The following CWF19L1 variants were observed in gnomAD, a reference collection of about 807,000 sequenced individuals.
CWF19L1 encodes the protein CWF19 like cell cycle control factor 1.
In CWF19L1, 60 loss-of-function variants were observed where a neutral mutation model predicts 69.7. The observed-to-expected ratio is 0.86, with a 90% CI of 0.70 to 1.07. CWF19L1 has a LOEUF of 1.07. Ranked by LOEUF, CWF19L1 falls within the 50% of genes least tolerant of loss-of-function variation. CWF19L1 has a pLI of 0.00. For synonymous variants in CWF19L1, 209 were observed against 222.2 expected, an observed-to-expected ratio of 0.94 and a Z score of 0.53; for missense variants, 591 against 638.9, an observed-to-expected ratio of 0.92 and a Z score of 0.81.
intron 4 of CWF19L1, among the ~76,000 whole-genome samples, chr10:100,257,287 C>CTTTTTTTT (rs55939570): frequency 1.8e-4 from 19 of 105,844 alleles, no homozygotes; most frequent in Non-Finnish European, 2.8e-4. Flanking sequence ...AGTGCTTTAC[C>CTTTTTTTT]TTTTTTTTTT....
In CWF19L1 at chr10:100,260,329, G is replaced by A; in HGVS notation, c.188-10C>T. 3 of 1,485,430 alleles carry A rather than the reference G, an allele frequency of 2.0e-6. No homozygotes were observed. The highest frequency in any genetic ancestry group is 2.8e-6 in the Non-Finnish European group (3 of 1,066,594). The allele number at this position is 1,485,430 out of a possible 1,614,324, so 92.0% of individuals were successfully genotyped here. ...TATGTCTGAATAGGAGCTAGTGAGG[G>A]AAACAGACATGACACCATATAGTTA... On this transcript the variant is annotated splice_polypyrimidine_tract_variant and intron_variant, in intron 3 of 13. Transcript: ENST00000354105.
rs1328574895 is a variant in CWF19L1 at position 100,235,677 on chromosome 10, G to T, written c.1462C>A (p.Gln488Lys). The T allele has an allele frequency of 1.1e-5, 17 of 1,609,230 alleles. No individual in the cohort carries two copies. Among genetic ancestry groups the T allele is most frequent in the Non-Finnish European group, 1.4e-5 (17 of 1,177,442 alleles). The change falls in exon 13 of 14, where the codon CAG becomes AAG. Residue 488 changes from glutamine (Q) to lysine (K), a missense_variant. Transcript: ENST00000354105. ...AGAAGAAAAACATACCTTCCAAACTGCAAAGGAAAATTCTTTTTAATTCTG... is the reference window on the plus strand; with the variant it reads ...AGAAGAAAAACATACCTTCCAAACTTCAAAGGAAAATTCTTTTTAATTCTG... ...FHRIKKNFPL[Q>K]FGREVLASEA...
At chr10:100,238,253 T>C (rs1318458281) in intron 10 of CWF19L1, 22 bp from the exon 11 acceptor site, 6 of 1,609,134 alleles carry the variant, frequency 3.7e-6, no homozygotes, top group African/African-American at 2.7e-5. Flanking sequence ...GCACACAGAA[T>C]TGAGACATCA....
At chr10:100,250,467 A>G (rs1014479861) in intron 6 of CWF19L1, 135 bp from the exon 7 acceptor site, 3 of 640,746 alleles carry the variant, frequency 4.7e-6, no homozygotes, top group African/African-American at 1.8e-5. Context: ...ATGATTTCAG[A>G]TAAGTTACTA....
At chr10:100,249,769 A>G (rs1178636267) in intron 7 of CWF19L1, among the ~76,000 whole-genome samples, 4 of 152,120 alleles carry the variant, frequency 2.6e-5, no homozygotes, top group Admixed American at 2.6e-4. Flanking sequence ...TATTTTTTAT[A>G]GAGATGGGGT....
At position 100,243,681 on chromosome 10, in the gene CWF19L1, C is replaced by T; in HGVS notation, c.1044+17G>A. 1 of 1,608,858 alleles carries T rather than the reference C, an allele frequency of 6.2e-7. No homozygotes were observed. The highest frequency in any genetic ancestry group is 8.5e-7 in the Non-Finnish European group (1 of 1,175,232). ...ATAGGCATCTCCTTCTCTATAAAGT[C>T]CAAGGAAGTAACTCACATGTGTGCC... On this transcript the variant is annotated intron_variant, in intron 10 of 13. Coordinates refer to ENST00000354105, the MANE Select transcript of CWF19L1 (RefSeq NM_018294.6).
chr10:100,245,922 G>T lies in CWF19L1; in HGVS notation c.850-9C>A, dbSNP rs1453743332. 1 of 1,591,504 alleles carries T rather than the reference G, an allele frequency of 6.3e-7. No individual in the cohort carries two copies. Among genetic ancestry groups the T allele is most frequent in the Non-Finnish European group, 8.6e-7 (1 of 1,159,642 alleles). ...TGACAGGCTGATTCTTCCTGGAATG[G>T]CCAAAAGCAGAAGATTAAATGTTAT... On this transcript the variant is annotated splice_polypyrimidine_tract_variant and intron_variant, in intron 8 of 13. Coordinates refer to ENST00000354105, the MANE Select transcript of CWF19L1 (RefSeq NM_018294.6).
At chr10:100,265,167 A>G (rs1275111927) in intron 1 of CWF19L1, among the ~76,000 whole-genome samples, 2 of 152,044 alleles carry the variant, frequency 1.3e-5, no homozygotes, top group African/African-American at 4.8e-5. Context: ...AAGTAATAGA[A>G]AAAAGCTTGT....
chr10:100,233,839 GAT>G (rs1416846802), intron 13 of CWF19L1: 2 of 152,288 alleles, frequency 1.3e-5, no homozygotes, highest in Non-Finnish European at 2.9e-5. Flanking sequence ...TATTAGCTGT[GAT>G]TACAACCTGC....
At chr10:100,242,281 A>G (rs1846661103) in intron 10 of CWF19L1, among the ~76,000 whole-genome samples, 1 of 152,190 alleles carries the variant, frequency 6.6e-6, no homozygotes, top group Admixed American at 6.5e-5. Flanking sequence ...TATTCCTGTC[A>G]TTAGTAAGCT....
At chr10:100,253,813 T>C in intron 5 of CWF19L1, 1 of 325,052 alleles carries the variant, frequency 3.1e-6, no homozygotes, top group Non-Finnish European at 5.6e-6. Context: ...ACACAAATTA[T>C]TAAAACCTTT....
intron 10 of CWF19L1, among the ~76,000 whole-genome samples, chr10:100,243,020 A>C (rs1361061512): frequency 2.0e-5 from 3 of 152,214 alleles, no homozygotes; most frequent in Admixed American, 2.0e-4. Context: ...TGCTGGTGGG[A>C]ATATAAGATG....
rs1052846784 is a variant in CWF19L1 at position 100,233,221 on chromosome 10, T to C, written c.*6A>G. On this transcript the variant is annotated 3_prime_UTR_variant, in exon 14 of 14. Transcript: ENST00000354105. Reference sequence around the variant, plus strand: ...GTGGAGTTCATAAAAAGTTCTTCCCTTTGTTTTAGTCATCCAGAGTAAAGT... The same window carrying C: ...GTGGAGTTCATAAAAAGTTCTTCCCCTTGTTTTAGTCATCCAGAGTAAAGT... 1 of 1,598,496 alleles carries C rather than the reference T, an allele frequency of 6.3e-7. No individual in the cohort carries two copies. The highest frequency in any genetic ancestry group is 8.5e-7 in the Non-Finnish European group (1 of 1,172,950).
At position 100,256,272 on chromosome 10, in the gene CWF19L1, C is replaced by T. The variant is rs756450649; in HGVS notation, c.494G>A (p.Gly165Glu). The T allele has an allele frequency of 3.7e-6, 6 of 1,613,718 alleles. No individual in the cohort carries two copies. In the South Asian group the frequency reaches 5.5e-5, roughly 15 times the overall value. Residue 165 changes from glycine to glutamate, a missense_variant, in exon 5 of 14, where the codon GGG becomes GAG. Gly to Glu is a moderately conservative substitution (Grantham distance 98). Around this residue, in one of 3 missense-constraint regions of CWF19L1, gnomAD observed 458 missense variants for 489.3 expected, o/e 0.94. Coordinates refer to ENST00000354105, the MANE Select transcript of CWF19L1 (RefSeq NM_018294.6). ...SPWPKCVGNF[G>E]NSSGEVDTKK... ...ACAAACACTACTCACAGAAGAATTC[C>T]CAAAGTTCCCCACACACTTGGGCCA...
rs759579280 is a variant in CWF19L1, at chr10:100,233,233, A to T, written c.1611T>A (p.Asp537Glu). 3.1e-6 allele frequency: 5 copies of T among 1,609,466 alleles called. No homozygotes were observed. The Admixed American group carries it at 5.0e-5, about 16-fold the overall frequency. ...AAAAGTTCTTCCCTTTGTTTTAGTC[A>T]TCCAGAGTAAAGTCATAGGGCTCAA... ...KDFEPYDFTL[D>E]D is the part of the protein sequence containing the mutation. Residue 537 changes from aspartate to glutamate, a missense_variant, in exon 14 of 14, where the codon GAT (aspartate) becomes GAA (glutamate). By Grantham distance (45) the Asp-to-Glu change is conservative. Transcript: ENST00000354105.
At chr10:100,240,112 C>G (rs1304355369) in intron 10 of CWF19L1, among the ~76,000 whole-genome samples, 1 of 152,170 alleles carries the variant, frequency 6.6e-6, no homozygotes, top group African/African-American at 2.4e-5. Flanking sequence ...AATCTCCTCT[C>G]TCTTTCAAAC....
intron 1 of CWF19L1, chr10:100,267,319 A>T (rs1847633183): frequency 2.1e-6 from 1 of 480,724 alleles, no homozygotes; most frequent in African/African-American, 2.1e-5. Flanking sequence ...CCTAAGATGG[A>T]GGAGGCCTAA....
Position 100,233,359 on chromosome 10 carries a change from G to A in CWF19L1, c.1485C>T (p.Ala495=). Residue 495 remains alanine, a synonymous_variant, in exon 14 of 14, where the codon GCC becomes GCT. Transcript: ENST00000354105. ...FPLQFGREVL[A]SEAILNVPDK... is the part of the protein sequence containing the mutation. Reference sequence around the variant, plus strand: ...CAGGAACATTAAGGATGGCTTCACTGGCCAGGACCTCCCTGCAGAAATAGC... The same window carrying A: ...CAGGAACATTAAGGATGGCTTCACTAGCCAGGACCTCCCTGCAGAAATAGC... 6.2e-7 allele frequency: 1 copy of A among 1,612,594 alleles called. No individual in the cohort carries two copies. Among genetic ancestry groups the A allele is most frequent in the Non-Finnish European group, 8.5e-7 (1 of 1,179,328 alleles).
chr10:100,255,756 C>A lies in CWF19L1; in HGVS notation c.504+506G>T, dbSNP rs577496148. On this transcript the variant is annotated intron_variant, in intron 5 of 13. Transcript: ENST00000354105. The stretch of plus-strand genomic sequence containing the variant: ...CCAGCCTGGGTGACACAGCAAAACT[C>A]CATCTCAAAAAAAAAAAAAAAAAAT... 3.1e-3 allele frequency among the ~76,000 whole-genome samples: 400 copies of A among 127,842 alleles called. 4 individuals carry two copies. Among genetic ancestry groups the A allele is most frequent in the African/African-American group, 0.013 (383 of 29,318 alleles). The allele number at this position is 127,842 out of a possible 152,430, so 83.9% of individuals were successfully genotyped here.
Sources: allele counts gnomAD v4.1 joint callset (sites outside exome capture counted in the v4.1 genomes callset), GRCh38; gene constraint gnomAD v4.1.1; regional missense constraint gnomAD v4.1.1; transcripts MANE v1.5; gene names NCBI Gene and HGNC (gene_info 2026-07-23, HGNC 2026-07-21).